Variants in UHRF1 observed in about 807,000 individuals in gnomAD.
The protein encoded by UHRF1 is ubiquitin like with PHD and ring finger domains 1, also known as E3 ubiquitin-protein ligase UHRF1.
A neutral mutation model predicts 96.5 loss-of-function variants in UHRF1; 9 were observed. The observed-to-expected ratio is 0.09, with a 90% CI of 0.06 to 0.16. The LOEUF (loss-of-function observed/expected upper bound fraction) is 0.16, where lower values mean the gene tolerates loss of function less well. Ranked by LOEUF, UHRF1 falls within the 10% of genes least tolerant of loss-of-function variation. The pLI is 1.00. For synonymous variants in UHRF1, 455 were observed against 469.9 expected, an observed-to-expected ratio of 0.97 and a Z score of 0.41; for missense variants, 626 against 1,131.1, an observed-to-expected ratio of 0.55 and a Z score of 6.40.
chr19:4,913,734 A>G (rs1171270222), intron 2 of UHRF1, among the ~76,000 whole-genome samples: 1 of 149,830 alleles, frequency 6.7e-6, no homozygotes, highest in African/African-American at 2.4e-5. Flanking sequence ...TTATGAAAAG[A>G]TTCAGTGTTC....
chr19:4,929,432 G>C lies in UHRF1; in HGVS notation c.364G>C (p.Ala122Pro), dbSNP rs759508207. ...GGCCGCCGAGACTGACAGCAGGCCAGCCGATGAGGACATGTGGGATGAGAC... is the reference window on the plus strand; with the variant it reads ...GGCCGCCGAGACTGACAGCAGGCCACCCGATGAGGACATGTGGGATGAGAC... ...EAAAETDSRP[A>P]DEDMWDETEL... The change falls in exon 3 of 17, where the codon GCC (alanine) becomes CCC (proline). Residue 122 changes from alanine to proline, a missense_variant. Ala to Pro is a conservative substitution (Grantham distance 27). This residue lies in a region of UHRF1 where 22 missense variants were observed against 16.4 expected (regional missense o/e 1.34). Coordinates refer to ENST00000650932, the MANE Select transcript of UHRF1 (RefSeq NM_001048201.3). The C allele has an allele frequency of 6.2e-7, 1 of 1,613,938 alleles. No homozygotes were observed. The highest frequency in any genetic ancestry group is 1.7e-5 in the Admixed American group (1 of 60,008).
chr19:4,928,616 CAGGAAGCTCAT>C (rs747859497), intron 2 of UHRF1, among the ~76,000 whole-genome samples: 1 of 152,334 alleles, frequency 6.6e-6, no homozygotes, highest in South Asian at 2.1e-4. Context: ...GAGCCTTACC[CAGGAAGCTCAT>C]AGGAAGCTCA....
chr19:4,946,369 C>T (rs926516161), intron 10 of UHRF1, among the ~76,000 whole-genome samples: 4 of 152,160 alleles, frequency 2.6e-5, no homozygotes, highest in Non-Finnish European at 4.4e-5. Flanking sequence ...CTTTTGTTCA[C>T]GGCTGAGTCC....
chr19:4,956,281 G>C (rs183588150), intron 15 of UHRF1, among the ~76,000 whole-genome samples: 2 of 152,320 alleles, frequency 1.3e-5, no homozygotes, highest in Admixed American at 1.3e-4. Context: ...TGCCGGGCTG[G>C]TCTTGAACAC....
Position 4,944,333 on chromosome 19 carries a change from C to T in UHRF1, c.1198-10C>T, listed in dbSNP as rs1333456887. 2.5e-6 allele frequency: 4 copies of T among 1,614,016 alleles called. No individual in the cohort carries two copies. The highest frequency in any genetic ancestry group is 1.3e-5 in the African/African-American group (1 of 75,070). ...CACGCTGTTGTTCTTTGTGTCTGTG[C>T]CTGGGACAGGGCATGGCCTGTGTGG... On this transcript the variant is annotated splice_polypyrimidine_tract_variant and intron_variant, in intron 8 of 16. Transcript: ENST00000650932.
rs1434927835 is a variant in UHRF1 at position 4,932,736 on chromosome 19, C to T, written c.570-5C>T. On this transcript the variant is annotated splice_polypyrimidine_tract_variant and splice_region_variant and intron_variant, in intron 4 of 16. Transcript: ENST00000650932. ...CGGGGTCTAAGGCCCGGGCTTTCCT[C>T]CCAGCTACCCGGAGAACGGCGTGGT... 1.2e-6 allele frequency: 2 copies of T among 1,613,366 alleles called. No individual in the cohort carries two copies. The highest frequency in any genetic ancestry group is 1.1e-5 in the South Asian group (1 of 91,068).
chr19:4,960,142 G>C (rs575682024), intron 16 of UHRF1, among the ~76,000 whole-genome samples: 1 of 152,152 alleles, frequency 6.6e-6, no homozygotes, highest in Non-Finnish European at 1.5e-5. Flanking sequence ...CATGAGCCAC[G>C]ATGCTTGGCC....
intron 16 of UHRF1, among the ~76,000 whole-genome samples, chr19:4,958,903 G>A (rs947461872): frequency 6.6e-6 from 1 of 151,638 alleles, no homozygotes; most frequent in Non-Finnish European, 1.5e-5. Flanking sequence ...TACAGGTTGC[G>A]GTGAGCTGAG....
chr19:4,954,679 C>T lies in UHRF1; in HGVS notation c.1987C>T (p.Arg663Cys), dbSNP rs766167353. The T allele has an allele frequency of 3.0e-5, 49 of 1,613,194 alleles. No individual in the cohort carries two copies. The highest frequency in any genetic ancestry group is 1.7e-4 in the Middle Eastern group (1 of 6,056). Residue 663 changes from arginine (R) to cysteine (C), a missense_variant, in exon 15 of 17, where the codon CGC (arginine) becomes TGC (cysteine). Physicochemically the swap from Arg to Cys is radical, Grantham distance 180. Around this residue, in one of 11 missense-constraint regions of UHRF1, gnomAD observed 90 missense variants for 94.7 expected, o/e 0.95. Coordinates refer to ENST00000650932, the MANE Select transcript of UHRF1 (RefSeq NM_001048201.3). The surrounding 1 kb of genome is among the most constrained non-coding windows in gnomAD (Gnocchi z 5.9). ...GGGPSRAGSP[R>C]RTSKKTKVEP... is the part of the protein sequence containing the mutation. ...TGGCCCGAGCAGGGCCGGGTCCCCGCGCCGGACATCCAAGAAAACCAAGGT... is the reference window on the plus strand; with the variant it reads ...TGGCCCGAGCAGGGCCGGGTCCCCGTGCCGGACATCCAAGAAAACCAAGGT...
chr19:4,932,442 T>G (rs1472617683), intron 4 of UHRF1, among the ~76,000 whole-genome samples: 1 of 152,250 alleles, frequency 6.6e-6, no homozygotes, highest in Non-Finnish European at 1.5e-5. Context: ...CATCTTAATA[T>G]GATTTCATCT....
upstream of UHRF1, among the ~76,000 whole-genome samples, chr19:4,906,198 C>T (rs2146266136): frequency 6.6e-6 from 1 of 152,218 alleles, no homozygotes; most frequent in African/African-American, 2.4e-5. Flanking sequence ...AAGCTGGTCT[C>T]AAACTCCCGG....
intron 10 of UHRF1, 134 bp downstream of exon 10, chr19:4,946,099 T>C: frequency 3.1e-6 from 2 of 641,194 alleles, no homozygotes; most frequent in Non-Finnish European, 2.7e-6. Context: ...TATATTCCCA[T>C]TGCTATGCAA....
chr19:4,921,455 A>C (rs2032701449), intron 2 of UHRF1, among the ~76,000 whole-genome samples: 1 of 151,442 alleles, frequency 6.6e-6, no homozygotes, highest in East Asian at 1.9e-4. Context: ...ACAAACGAAA[A>C]AGGAAAGTTG....
Position 4,929,129 on chromosome 19 carries a change from G to T in UHRF1, c.154-93G>T. The T allele has an allele frequency of 2.0e-6, 3 of 1,511,614 alleles. No homozygotes were observed. The South Asian group carries it at 3.8e-5, about 19-fold the overall frequency. The allele number at this position is 1,511,614 out of a possible 1,614,324, so 93.6% of individuals were successfully genotyped here. A position where few individuals can be genotyped will look rare whatever the true frequency, so the allele number is the denominator to read the frequency against. On this transcript the variant is annotated intron_variant, in intron 2 of 16. Coordinates refer to ENST00000650932, the MANE Select transcript of UHRF1 (RefSeq NM_001048201.3). ...TGCAGATTGCCCCCCCCCCACAAGG[G>T]CTGGGACACAGTGTTTGGTTCATCA...
At chr19:4,921,029 C>T (rs973677061) in intron 2 of UHRF1, among the ~76,000 whole-genome samples, 4 of 151,970 alleles carry the variant, frequency 2.6e-5, no homozygotes, top group Non-Finnish European at 5.9e-5. Context: ...GAGGCTGAGG[C>T]AGGAGAATCG....
chr19:4,954,028 G>T lies in UHRF1; in HGVS notation c.1819-322G>T, dbSNP rs1313667537. On this transcript the variant is annotated intron_variant, in intron 13 of 16. Coordinates refer to ENST00000650932, the MANE Select transcript of UHRF1 (RefSeq NM_001048201.3). The surrounding 1 kb of genome is among the most constrained non-coding windows in gnomAD (Gnocchi z 5.9). ...TGCAATGTTTCATCATGCAGTGTGCGTGATGTGAGGTGGCTGTAAAGGGGG... is the reference window on the plus strand; with the variant it reads ...TGCAATGTTTCATCATGCAGTGTGCTTGATGTGAGGTGGCTGTAAAGGGGG... 6.6e-6 allele frequency among the ~76,000 whole-genome samples: 1 copy of T among 152,146 alleles called. No individual in the cohort carries two copies.
At chr19:4,918,944 A>G (rs771534336) in intron 2 of UHRF1, among the ~76,000 whole-genome samples, 4 of 148,872 alleles carry the variant, frequency 2.7e-5, no homozygotes, top group Non-Finnish European at 5.9e-5. Flanking sequence ...CTGGTCTTGA[A>G]CTCCTAGCCT....
chr19:4,927,067 A>AAAAAC (rs933112126), intron 2 of UHRF1, among the ~76,000 whole-genome samples: 12 of 152,026 alleles, frequency 7.9e-5, no homozygotes, highest in East Asian at 1.9e-4. Context: ...CCTCAAAACA[A>AAAAAC]AAAACAAAAC....
chr19:4,905,019 T>C (rs1230405070), upstream of UHRF1, among the ~76,000 whole-genome samples: 1 of 152,132 alleles, frequency 6.6e-6, no homozygotes, highest in Non-Finnish European at 1.5e-5. Flanking sequence ...TGGCCTCTTA[T>C]TTCCCTAAGT....
Sources: allele counts gnomAD v4.1 joint callset (sites outside exome capture counted in the v4.1 genomes callset), GRCh38; gene constraint gnomAD v4.1.1; regional missense constraint gnomAD v4.1.1; non-coding constraint Gnocchi (gnomAD v3.1); transcripts MANE v1.5; gene names NCBI Gene and HGNC (gene_info 2026-07-23, HGNC 2026-07-21).